Variants in L3MBTL4 observed in about 807,000 individuals in gnomAD.
L3MBTL4 encodes the protein lethal(3)malignant brain tumor-like protein 4.
L3MBTL4 carries 70 observed loss-of-function variants against 84.5 expected under a neutral mutation model. That is an observed-to-expected ratio of 0.83 (90% CI 0.68 to 1.01). The LOEUF is 1.01. Among genes scored for constraint, L3MBTL4 ranks in the 50% least tolerant of loss-of-function variants. L3MBTL4 has a pLI of 0.00. For missense variants in L3MBTL4, 715 were observed against 754.8 expected (o/e 0.95, Z 0.62); for synonymous variants, 274 against 259.8 (o/e 1.05, Z -0.52).
intron 16 of L3MBTL4, among the ~76,000 whole-genome samples, chr18:6,074,195 G>A (rs1226978540): frequency 1.3e-5 from 2 of 152,146 alleles, no homozygotes; most frequent in Non-Finnish European, 2.9e-5. Flanking sequence ...CTGGCCGCAC[G>A]TCTAGAATCT....
intron 16 of L3MBTL4, among the ~76,000 whole-genome samples, chr18:5,999,516 A>G (rs2054123881): frequency 6.6e-6 from 1 of 152,248 alleles, no homozygotes; most frequent in Non-Finnish European, 1.5e-5. Flanking sequence ...GAAAGAAAAG[A>G]ACATGTTTTT....
At chr18:6,037,692 G>A (rs1210273589) in intron 16 of L3MBTL4, among the ~76,000 whole-genome samples, 1 of 152,208 alleles carries the variant, frequency 6.6e-6, no homozygotes, top group Non-Finnish European at 1.5e-5. Flanking sequence ...ACAGATAACT[G>A]GTAGAACACA....
chr18:5,965,784 C>T (rs761946917), intron 17 of L3MBTL4, among the ~76,000 whole-genome samples: 1 of 152,288 alleles, frequency 6.6e-6, no homozygotes, highest in African/African-American at 2.4e-5. Context: ...ATTCAGGATG[C>T]GGTCCTTGTC....
chr18:5,982,181 T>C (rs149398363), intron 16 of L3MBTL4, among the ~76,000 whole-genome samples: 1 of 152,320 alleles, frequency 6.6e-6, no homozygotes, highest in East Asian at 1.9e-4. Context: ...GTCCTGCTAG[T>C]GGAGCTACGA....
intron 14 of L3MBTL4, among the ~76,000 whole-genome samples, chr18:6,125,638 C>T (rs996487548): frequency 1.3e-5 from 2 of 152,138 alleles, no homozygotes; most frequent in Admixed American, 1.3e-4. Context: ...CTATGTTGTC[C>T]AGGCTGGTCT....
At chr18:6,053,142 C>A (rs1444757251) in intron 16 of L3MBTL4, among the ~76,000 whole-genome samples, 1 of 152,142 alleles carries the variant, frequency 6.6e-6, no homozygotes, top group African/African-American at 2.4e-5. Flanking sequence ...TATGCTAAGA[C>A]AGTAAAATAA....
At chr18:6,026,211 G>T (rs1381279522) in intron 16 of L3MBTL4, among the ~76,000 whole-genome samples, 6 of 152,124 alleles carry the variant, frequency 3.9e-5, no homozygotes, top group Non-Finnish European at 7.3e-5. Context: ...ACAAATTCTG[G>T]TGTCCTAGAT....
rs115475342 is a variant in L3MBTL4 at position 6,412,158 on chromosome 18, T to C, written c.-91+2643A>G. 9.5e-3 allele frequency among the ~76,000 whole-genome samples: 1,448 copies of C among 152,166 alleles called. 17 individuals are homozygous for C. Among genetic ancestry groups the C allele is most frequent in the African/African-American group, 0.032 (1,347 of 41,466 alleles). ...CTCCCTCCTCCCATCCTTCGATAGG[T>C]CCCAGTGTATGTTGTTCCCCTTTAT... is the stretch of plus-strand genomic sequence containing the variant. On this transcript the variant is annotated intron_variant, in intron 1 of 18. Coordinates refer to ENST00000317931, the MANE Select transcript of L3MBTL4 (RefSeq NM_001330559.2).
intron 5 of L3MBTL4, among the ~76,000 whole-genome samples, chr18:6,254,412 CTTTTTTT>C (rs763440464): frequency 8.9e-6 from 1 of 112,726 alleles, no homozygotes; most frequent in Non-Finnish European, 1.8e-5. Flanking sequence ...AAAGTGACAC[CTTTTTTT>C]TTTTTTTTTT....
chr18:6,330,955 A>G (rs1329331595), intron 1 of L3MBTL4, among the ~76,000 whole-genome samples: 3 of 152,204 alleles, frequency 2.0e-5, no homozygotes, highest in Non-Finnish European at 4.4e-5. Flanking sequence ...ACAGAAATAT[A>G]AAATAAGTGA....
chr18:5,962,321 A>G (rs2095267610), intron 17 of L3MBTL4, among the ~76,000 whole-genome samples: 1 of 152,112 alleles, frequency 6.6e-6, no homozygotes, highest in Admixed American at 6.5e-5. Flanking sequence ...TTTGGGGTGG[A>G]TGTACGGGGA....
intron 16 of L3MBTL4, chr18:6,030,874 A>G (rs1434987635): frequency 1.0e-6 from 1 of 985,242 alleles, no homozygotes; most frequent in African/African-American, 1.7e-5. Context: ...ACTGTAGGAT[A>G]TAAACAACCA....
At chr18:6,198,495 T>C (rs1268117435) in intron 12 of L3MBTL4, among the ~76,000 whole-genome samples, 1 of 152,222 alleles carries the variant, frequency 6.6e-6, no homozygotes, top group Non-Finnish European at 1.5e-5. Context: ...GGCTGTATAA[T>C]GCATATTTTT....
chr18:6,383,713 C>T (rs1365928906), intron 1 of L3MBTL4, among the ~76,000 whole-genome samples: 3 of 152,182 alleles, frequency 2.0e-5, no homozygotes, highest in African/African-American at 4.8e-5. Flanking sequence ...CAACCTTCTG[C>T]GTCAATCTCA....
At chr18:6,129,717 CT>C (rs1377743952) in intron 14 of L3MBTL4, among the ~76,000 whole-genome samples, 2 of 152,132 alleles carry the variant, frequency 1.3e-5, no homozygotes, top group African/African-American at 2.4e-5. Context: ...GGTGACTGGA[CT>C]TTTTCTCAAC....
rs149026702 is a variant in L3MBTL4 at position 6,042,990 on chromosome 18, C to T, written c.1444+37891G>A. 5.6e-4 allele frequency among the ~76,000 whole-genome samples: 85 copies of T among 152,266 alleles called. No homozygotes were observed. The East Asian group carries it at 0.015, about 27-fold the overall frequency. On this transcript the variant is annotated intron_variant, in intron 16 of 18. Transcript: ENST00000317931. ...CTATCTCCAAATCCCAAACCTAATCCTTTTCAAGCTTCCTTATCTTAGTGA... is the reference window on the plus strand; with the variant it reads ...CTATCTCCAAATCCCAAACCTAATCTTTTTCAAGCTTCCTTATCTTAGTGA...
At chr18:6,337,179 C>A (rs1390725925) in intron 1 of L3MBTL4, among the ~76,000 whole-genome samples, 1 of 151,870 alleles carries the variant, frequency 6.6e-6, no homozygotes, top group Non-Finnish European at 1.5e-5. Flanking sequence ...TAATTGGGAT[C>A]CCAAAAAGGA....
chr18:6,231,623 T>A (rs900429332), intron 10 of L3MBTL4, among the ~76,000 whole-genome samples: 4 of 152,164 alleles, frequency 2.6e-5, no homozygotes, highest in Non-Finnish European at 5.9e-5. Flanking sequence ...AATCTTTTAC[T>A]TCTTGGTTAA....
intron 1 of L3MBTL4, among the ~76,000 whole-genome samples, chr18:6,341,919 A>C (rs917975813): frequency 6.6e-6 from 1 of 152,182 alleles, no homozygotes; most frequent in Non-Finnish European, 1.5e-5. Context: ...ATATAAGGGA[A>C]ACACCATAAG....
Sources: allele counts gnomAD v4.1 joint callset (sites outside exome capture counted in the v4.1 genomes callset), GRCh38; gene constraint gnomAD v4.1.1; transcripts MANE v1.5; gene names NCBI Gene and HGNC (gene_info 2026-07-23, HGNC 2026-07-21).